Variants in KIAA1958 observed in about 807,000 individuals in gnomAD.
KIAA1958 encodes uncharacterized protein KIAA1958.
In KIAA1958, 14 loss-of-function variants were observed where a neutral mutation model predicts 47.2. The observed-to-expected ratio is 0.30, with a 90% CI of 0.20 to 0.46. KIAA1958 has a LOEUF of 0.46. Ranked by LOEUF, KIAA1958 falls within the 20% of genes least tolerant of loss-of-function variation. KIAA1958 has a pLI of 1.00. For synonymous variants in KIAA1958, 354 were observed against 353.3 expected (o/e 1.00, Z -0.02); for missense variants, 803 against 909.2 (o/e 0.88, Z 1.50).
chr9:112,556,523 T>A (rs958663205), intron 1 of KIAA1958, among the ~76,000 whole-genome samples: 1 of 152,240 alleles, frequency 6.6e-6, no homozygotes, highest in Admixed American at 6.5e-5. Flanking sequence ...TTTGTAGAGA[T>A]AGGGTCTTAC....
At chr9:112,616,910 C>T (rs1315757094) in intron 2 of KIAA1958, among the ~76,000 whole-genome samples, 1 of 152,226 alleles carries the variant, frequency 6.6e-6, no homozygotes, top group Non-Finnish European at 1.5e-5. Flanking sequence ...TTCTCTCAAA[C>T]CTCATCATGA....
Position 112,645,927 on chromosome 9 carries a change from C to T in KIAA1958, c.1344+105C>T, listed in dbSNP as rs931187181. The T allele has an allele frequency of 1.0e-5, 9 of 861,904 alleles. No homozygotes were observed. The African/African-American group carries it at 1.2e-4, about 12-fold the overall frequency. 53.4% of individuals were successfully genotyped at this position (861,904 alleles called of 1,614,324 possible). The stretch of plus-strand genomic sequence containing the variant: ...GGAACACAGAACGGTGGCTTTCTGC[C>T]TGGGGAAACTTTGGAAGAACATGAA... On this transcript the variant is annotated intron_variant, in intron 3 of 3. Transcript: ENST00000337530.
intron 1 of KIAA1958, among the ~76,000 whole-genome samples, chr9:112,503,841 C>T (rs1277027625): frequency 6.6e-6 from 1 of 151,834 alleles, no homozygotes; most frequent in East Asian, 1.9e-4. Context: ...CTGATCATGA[C>T]TGTCATGCAA....
chr9:112,543,527 A>G (rs184045682), intron 1 of KIAA1958, among the ~76,000 whole-genome samples: 6 of 149,578 alleles, frequency 4.0e-5, no homozygotes, highest in Admixed American at 4.0e-4. Flanking sequence ...GCTTAATTTT[A>G]TCATTAACTT....
intron 1 of KIAA1958, among the ~76,000 whole-genome samples, chr9:112,488,847 A>G (rs1205019629): frequency 6.6e-6 from 1 of 152,204 alleles, no homozygotes; most frequent in East Asian, 1.9e-4. Flanking sequence ...TTCTAGGAGA[A>G]AAATTTATCT....
At chr9:112,605,294 A>C (rs1040759920) in intron 2 of KIAA1958, among the ~76,000 whole-genome samples, 1 of 152,106 alleles carries the variant, frequency 6.6e-6, no homozygotes, top group Non-Finnish European at 1.5e-5. Flanking sequence ...CAGTTTTTAC[A>C]AACTATGATT....
At chr9:112,613,463 AATC>A (rs751175921) in intron 2 of KIAA1958, among the ~76,000 whole-genome samples, 4 of 152,234 alleles carry the variant, frequency 2.6e-5, no homozygotes, top group Non-Finnish European at 5.9e-5. Flanking sequence ...AAAAAGCATG[AATC>A]ATAAGGGAAA....
chr9:112,605,007 G>T (rs1836203930), intron 2 of KIAA1958, among the ~76,000 whole-genome samples: 1 of 142,846 alleles, frequency 7.0e-6, no homozygotes, highest in Non-Finnish European at 1.5e-5. Flanking sequence ...ATTTTTATAT[G>T]TTATATATTT....
At chr9:112,569,453 C>A (rs1418244798) in intron 1 of KIAA1958, among the ~76,000 whole-genome samples, 3 of 152,186 alleles carry the variant, frequency 2.0e-5, no homozygotes, top group Non-Finnish European at 4.4e-5. Flanking sequence ...TCTGGAATGT[C>A]ATCTTGCTGA....
chr9:112,493,301 C>T (rs1262704574), intron 1 of KIAA1958, among the ~76,000 whole-genome samples: 3 of 152,070 alleles, frequency 2.0e-5, no homozygotes, highest in African/African-American at 7.2e-5. Flanking sequence ...TCTTTGTGTC[C>T]TACTACGACT....
chr9:112,578,701 T>C (rs1457351271), intron 2 of KIAA1958, among the ~76,000 whole-genome samples: 1 of 152,156 alleles, frequency 6.6e-6, no homozygotes, highest in African/African-American at 2.4e-5. Context: ...AATCCTGCCA[T>C]ACTGCTCAAT....
chr9:112,573,243 C>A (rs1265705276), intron 1 of KIAA1958, among the ~76,000 whole-genome samples: 3 of 152,142 alleles, frequency 2.0e-5, no homozygotes, highest in Non-Finnish European at 4.4e-5. Flanking sequence ...CTTTATGAGA[C>A]CCTCAGATGG....
intron 2 of KIAA1958, among the ~76,000 whole-genome samples, chr9:112,578,517 G>A (rs1340197948): frequency 4.6e-5 from 7 of 152,112 alleles, no homozygotes; most frequent in Middle Eastern, 3.2e-3. Context: ...TTTGACAAAT[G>A]ACTATTGAGT....
chr9:112,609,799 C>T (rs1836293348), intron 2 of KIAA1958, among the ~76,000 whole-genome samples: 3 of 152,168 alleles, frequency 2.0e-5, no homozygotes, highest in Middle Eastern at 6.8e-3. Context: ...CCATCCTCCC[C>T]GCTCAGCCTC....
chr9:112,512,225 A>G (rs904335893), intron 1 of KIAA1958, among the ~76,000 whole-genome samples: 1 of 152,208 alleles, frequency 6.6e-6, no homozygotes, highest in African/African-American at 2.4e-5. Context: ...GTACAGACCA[A>G]TATTTCTCAT....
intron 1 of KIAA1958, among the ~76,000 whole-genome samples, chr9:112,560,841 C>T (rs1439691437): frequency 6.6e-6 from 1 of 152,164 alleles, no homozygotes; most frequent in East Asian, 1.9e-4. Flanking sequence ...TCATGGAAGA[C>T]TTCCAGAATC....
intron 1 of KIAA1958, among the ~76,000 whole-genome samples, chr9:112,521,198 ATGT>A (rs539494718): frequency 2.5e-4 from 38 of 151,752 alleles, no homozygotes; most frequent in African/African-American, 3.9e-4. Context: ...TAAATAGCCT[ATGT>A]TGTTGTTGTT....
intron 2 of KIAA1958, among the ~76,000 whole-genome samples, chr9:112,577,622 T>C (rs1270316059): frequency 6.6e-6 from 1 of 152,044 alleles, no homozygotes; most frequent in Non-Finnish European, 1.5e-5. Context: ...GTATTAGTTG[T>C]GTTGCATACC....
chr9:112,572,279 C>T (rs894286355), intron 1 of KIAA1958, among the ~76,000 whole-genome samples: 1 of 152,052 alleles, frequency 6.6e-6, no homozygotes, highest in African/African-American at 2.4e-5. Flanking sequence ...GAGTCTTATA[C>T]GTTCACTTTG....
Sources: gnomAD v4.1 joint callset for allele counts (sites outside exome capture counted in the v4.1 genomes callset) on GRCh38, gnomAD v4.1.1 for gene constraint, MANE v1.5 for transcripts, NCBI Gene and HGNC (gene_info 2026-07-23, HGNC 2026-07-21) for gene names.